The following ATP13A4 variants were observed in gnomAD, a reference collection of about 807,000 sequenced individuals.
ATP13A4 encodes the protein probable cation-transporting ATPase 13A4.
Under a neutral mutation model 142.5 loss-of-function variants are expected in ATP13A4, and 114 were observed. The observed-to-expected ratio is 0.80, with a 90% CI of 0.69 to 0.93. The LOEUF (loss-of-function observed/expected upper bound fraction) is 0.93. ATP13A4 is among the 40% of genes least tolerant of loss of function. The probability of loss-of-function intolerance (pLI) is 0.00; values close to 1 mark genes in which losing one functional copy is unlikely to be tolerated. For synonymous variants in ATP13A4, 488 were observed against 514.8 expected (o/e 0.95, Z 0.70); for missense variants, 1,392 against 1,454.0 (o/e 0.96, Z 0.69).
At chr3:193,438,669 G>A in intron 22 of ATP13A4, 85 bp from the exon 23 acceptor site, 2 of 1,185,268 alleles carry the variant, frequency 1.7e-6, no homozygotes, top group South Asian at 1.3e-5. Flanking sequence ...AGTTAAGCTG[G>A]CCACAAGGTG....
intron 29 of ATP13A4, 61 bp downstream of exon 29, chr3:193,407,252 G>T (rs1378988738): frequency 6.9e-7 from 1 of 1,456,446 alleles, no homozygotes; most frequent in East Asian, 2.3e-5. Context: ...TCCCAAAGAA[G>T]TCCCCCTACA....
chr3:193,457,698 T>G (rs1392373864), intron 14 of ATP13A4, among the ~76,000 whole-genome samples: 2 of 152,236 alleles, frequency 1.3e-5, no homozygotes, highest in Non-Finnish European at 2.9e-5. Flanking sequence ...TTTATCTTGT[T>G]TTCTCTGTTG....
intron 1 of ATP13A4, among the ~76,000 whole-genome samples, chr3:193,533,684 A>G (rs1350754294): frequency 6.6e-6 from 1 of 152,194 alleles, no homozygotes; most frequent in African/African-American, 2.4e-5. Context: ...ACTCTAGGTA[A>G]ACACCACAGA....
chr3:193,452,567 A>ATTTTTTTTTT (rs751029977), intron 17 of ATP13A4, among the ~76,000 whole-genome samples: 1 of 120,806 alleles, frequency 8.3e-6, no homozygotes, highest in Non-Finnish European at 1.7e-5. Context: ...ACATTGTGGA[A>ATTTTTTTTTT]TTTTTTTTTT....
At position 193,414,682 on chromosome 3, in the gene ATP13A4, G is replaced by C. The variant is rs1714960599; in HGVS notation, c.2911C>G (p.Leu971Val). Reference protein sequence around the residue: ...RPAGRLISPPLLLSVIFNILL... With the variant: ...RPAGRLISPPVLLSVIFNILL... The stretch of plus-strand genomic sequence containing the variant: ...ATGTTGAAAATCACAGAGAGTAGCA[G>C]AGGTGGAGAGATCAGCCGTCCTGCA... The change falls in exon 26 of 30, where the codon CTG becomes GTG. Residue 971 changes from leucine (L) to valine (V), a missense_variant. Physicochemically the swap from Leu to Val is conservative, Grantham distance 32. Transcript: ENST00000342695. 1 of 1,614,184 alleles carries C rather than the reference G, an allele frequency of 6.2e-7. No homozygotes were observed. Among genetic ancestry groups the C allele is most frequent in the Non-Finnish European group, 8.5e-7 (1 of 1,180,018 alleles).
chr3:193,511,195 C>A (rs13096868), intron 2 of ATP13A4, among the ~76,000 whole-genome samples: 1 of 152,030 alleles, frequency 6.6e-6, no homozygotes, highest in African/African-American at 2.4e-5. Context: ...AGATTGAAGC[C>A]GGCTTAGACT....
At chr3:193,529,722 C>G (rs1722214456) in intron 1 of ATP13A4, among the ~76,000 whole-genome samples, 1 of 152,166 alleles carries the variant, frequency 6.6e-6, no homozygotes, top group South Asian at 2.1e-4. Flanking sequence ...ATTTATCCCA[C>G]AGAGGAATGA....
chr3:193,475,510 AT>A (rs1194079960), intron 8 of ATP13A4, among the ~76,000 whole-genome samples: 1 of 151,890 alleles, frequency 6.6e-6, no homozygotes, highest in African/African-American at 2.4e-5. Flanking sequence ...ATCTGTTTAT[AT>A]TTTTAAATGT....
At chr3:193,544,029 G>A (rs1723088050) in intron 1 of ATP13A4, among the ~76,000 whole-genome samples, 3 of 152,172 alleles carry the variant, frequency 2.0e-5, no homozygotes, top group Admixed American at 2.0e-4. Flanking sequence ...GGGGGCAGAG[G>A]AGGACATCAG....
intron 12 of ATP13A4, 28 bp from the exon 13 acceptor site, chr3:193,462,851 T>C: frequency 6.2e-7 from 1 of 1,610,818 alleles, no homozygotes; most frequent in Non-Finnish European, 8.5e-7. Flanking sequence ...CTCCATTTAC[T>C]CTGAAGATCC....
chr3:193,484,124 T>TCA, intron 7 of ATP13A4, 119 bp from the exon 8 acceptor site: 1 of 864,128 alleles, frequency 1.2e-6, no homozygotes, highest in Non-Finnish European at 1.9e-6. Flanking sequence ...GAATGGAATG[T>TCA]ACTGGCTAAA....
chr3:193,501,195 G>A (rs1720521226), intron 3 of ATP13A4, among the ~76,000 whole-genome samples: 1 of 152,194 alleles, frequency 6.6e-6, no homozygotes, highest in Non-Finnish European at 1.5e-5. Flanking sequence ...GGCTATCTGG[G>A]AAGCTTATTT....
chr3:193,450,447 G>A (rs1015569942), intron 17 of ATP13A4, among the ~76,000 whole-genome samples: 1 of 152,190 alleles, frequency 6.6e-6, no homozygotes, highest in Admixed American at 6.5e-5. Context: ...AGAAAAAGTG[G>A]CAGAGAATAT....
rs1213977177 is a variant in ATP13A4, at chr3:193,499,394, T to C, written c.381+3099A>G. 2.0e-5 allele frequency among the ~76,000 whole-genome samples: 3 copies of C among 152,250 alleles called. No homozygotes were observed. In the South Asian group the frequency reaches 6.2e-4, roughly 31 times the overall value. On this transcript the variant is annotated intron_variant, in intron 3 of 29. Transcript: ENST00000342695. ...ATTTACTTTTCTCTTCAGTATTCTT[T>C]GCAATTTTGCAAATAGAGCAGGATT...
chr3:193,435,345 G>T (rs1716205926), intron 24 of ATP13A4, among the ~76,000 whole-genome samples: 1 of 152,146 alleles, frequency 6.6e-6, no homozygotes, highest in Non-Finnish European at 1.5e-5. Flanking sequence ...GTAGAGCCAC[G>T]TTGCAATTAA....
chr3:193,588,535 A>G (rs1366472445), intron 1 of ATP13A4, among the ~76,000 whole-genome samples: 2 of 152,074 alleles, frequency 1.3e-5, no homozygotes, highest in Admixed American at 1.3e-4. Context: ...AGAATCTCTC[A>G]CTTCTTCCCA....
chr3:193,472,671 G>T (rs755119919), intron 8 of ATP13A4, among the ~76,000 whole-genome samples: 18 of 152,192 alleles, frequency 1.2e-4, no homozygotes, highest in Non-Finnish European at 2.1e-4. Flanking sequence ...AGATAACATG[G>T]TAAAGGCATT....
chr3:193,566,643 G>A (rs762377851), intron 2 of ATP13A4, among the ~76,000 whole-genome samples: 2 of 152,134 alleles, frequency 1.3e-5, no homozygotes, highest in South Asian at 2.1e-4. Flanking sequence ...AGATCCAGTG[G>A]TAACAGTTGC....
intron 1 of ATP13A4, among the ~76,000 whole-genome samples, chr3:193,522,077 C>T (rs188675659): frequency 1.7e-3 from 253 of 152,348 alleles, no homozygotes; most frequent in Middle Eastern, 6.8e-3. Context: ...CCACTGCCTA[C>T]GGCCATTTCA....
Sources: allele counts gnomAD v4.1 joint callset (sites outside exome capture counted in the v4.1 genomes callset), GRCh38; gene constraint gnomAD v4.1.1; transcripts MANE v1.5; gene names NCBI Gene and HGNC (gene_info 2026-07-23, HGNC 2026-07-21).